Variants in CCDC7 observed in about 807,000 individuals in gnomAD.
The protein encoded by CCDC7 is coiled-coil domain containing 7.
Under a neutral mutation model 196.9 loss-of-function variants are expected in CCDC7, and 183 were observed. The observed-to-expected ratio is 0.93, with a 90% CI of 0.82 to 1.05. The LOEUF (loss-of-function observed/expected upper bound fraction) is 1.05, where lower values mean the gene tolerates loss of function less well. Ranked by LOEUF, CCDC7 falls within the 50% of genes least tolerant of loss-of-function variation. CCDC7 has a pLI of 0.00. For synonymous variants in CCDC7, 525 were observed against 484.6 expected, an observed-to-expected ratio of 1.08 and a Z score of -1.10; for missense variants, 1,540 against 1,482.2, an observed-to-expected ratio of 1.04 and a Z score of -0.64.
Position 32,729,002 on chromosome 10 carries a change from G to A in CCDC7, c.2779+5G>A, listed in dbSNP as rs777447785. The A allele has an allele frequency of 2.6e-6, 4 of 1,532,020 alleles. No individual in the cohort carries two copies. Among genetic ancestry groups the A allele is most frequent in the Non-Finnish European group, 3.6e-6 (4 of 1,112,372 alleles). The allele number at this position is 1,532,020 out of a possible 1,614,324, so 94.9% of individuals were successfully genotyped here. The stretch of plus-strand genomic sequence containing the variant: ...CTGGAGTGGAAAGACACAAGAGTGA[G>A]TATAATAATTATCGATAACTTTAAA... On this transcript the variant is annotated splice_donor_5th_base_variant and intron_variant, in intron 27 of 41. Coordinates refer to ENST00000639629, the Ensembl canonical transcript of CCDC7.
chr10:32,705,470 ATTAAAC>A (rs1450147461), intron 24 of CCDC7, among the ~76,000 whole-genome samples: 1 of 152,130 alleles, frequency 6.6e-6, no homozygotes, highest in Non-Finnish European at 1.5e-5. Flanking sequence ...ACATAACAAT[ATTAAAC>A]TTAAATGTAA....
chr10:32,730,236 A>G (rs139108238), intron 28 of CCDC7, among the ~76,000 whole-genome samples: 1 of 152,240 alleles, frequency 6.6e-6, no homozygotes, highest in Non-Finnish European at 1.5e-5. Flanking sequence ...TTTATAAGAG[A>G]GAACATGTGA....
intron 16 of CCDC7, among the ~76,000 whole-genome samples, chr10:32,572,859 C>G (rs1397999234): frequency 7.0e-6 from 1 of 142,454 alleles, no homozygotes; most frequent in Admixed American, 7.2e-5. Context: ...AAAGCAAAAG[C>G]ATGGTGCTTT....
chr10:32,448,363 C>A (rs966068380), upstream of CCDC7, among the ~76,000 whole-genome samples: 13 of 151,270 alleles, frequency 8.6e-5, no homozygotes, highest in African/African-American at 2.9e-4. Context: ...TGATTCTTTT[C>A]CAGCGGGGTG....
intron 30 of CCDC7, among the ~76,000 whole-genome samples, chr10:32,811,782 G>C (rs972617595): frequency 6.6e-6 from 1 of 151,978 alleles, no homozygotes; most frequent in Non-Finnish European, 1.5e-5. Context: ...AAAAGTACAA[G>C]TCAATATCTC....
chr10:32,744,957 A>G (rs923559375), intron 28 of CCDC7, among the ~76,000 whole-genome samples: 9 of 152,300 alleles, frequency 5.9e-5, no homozygotes, highest in African/African-American at 1.7e-4. Flanking sequence ...TCCATTTTCT[A>G]TTTAGACCTA....
chr10:32,772,257 G>A (rs1305749770), intron 28 of CCDC7, among the ~76,000 whole-genome samples: 2 of 152,170 alleles, frequency 1.3e-5, no homozygotes, highest in African/African-American at 2.4e-5. Flanking sequence ...AGGGAGTGGG[G>A]AGTAGCAGGC....
At chr10:32,777,478 C>T (rs374773942) in intron 28 of CCDC7, among the ~76,000 whole-genome samples, 2 of 152,292 alleles carry the variant, frequency 1.3e-5, no homozygotes, top group South Asian at 2.1e-4. Context: ...AGTGTTTAGA[C>T]TAATTTACAT....
intron 8 of CCDC7, among the ~76,000 whole-genome samples, chr10:32,487,083 G>A (rs1444811794): frequency 6.6e-6 from 1 of 152,170 alleles, no homozygotes; most frequent in Non-Finnish European, 1.5e-5. Flanking sequence ...ATCCTGAAGA[G>A]TGTTTTCCAA....
chr10:32,657,748 A>G (rs779549565), intron 20 of CCDC7, among the ~76,000 whole-genome samples: 2 of 152,164 alleles, frequency 1.3e-5, no homozygotes, highest in Non-Finnish European at 2.9e-5. Context: ...ACTTATGGAA[A>G]TTTCTGCAGC....
chr10:32,472,883 G>A (rs545205702), intron 7 of CCDC7, among the ~76,000 whole-genome samples: 3 of 152,116 alleles, frequency 2.0e-5, no homozygotes, highest in South Asian at 2.1e-4. Flanking sequence ...GGCATGAGCC[G>A]CCATGCCCGG....
At chr10:32,831,545 T>C (rs2092171280) in intron 32 of CCDC7, among the ~76,000 whole-genome samples, 1 of 152,192 alleles carries the variant, frequency 6.6e-6, no homozygotes, top group South Asian at 2.1e-4. Context: ...TGTACAAAAA[T>C]ATTTTCTTTT....
exon 41 of CCDC7, chr10:32,854,482 C>G (rs1480320653): frequency 1.9e-6 from 3 of 1,542,064 alleles, no homozygotes; most frequent in South Asian, 2.3e-5. Flanking sequence ...GAAAACCTAC[C>G]TATAAAGGTA....
chr10:32,664,353 A>T (rs2072179891), intron 21 of CCDC7, among the ~76,000 whole-genome samples, 192 bp downstream of exon 22: 1 of 151,978 alleles, frequency 6.6e-6, no homozygotes. Flanking sequence ...TTACCTTGTT[A>T]TTTTTTTATA....
Position 32,711,608 on chromosome 10 carries a change from C to G in CCDC7, c.2459-12C>G. ...TTTTCTAGTAAGGGACTAAATTTCT[C>G]TCTTAACATAGCTCATGATGAAGAA... On this transcript the variant is annotated splice_polypyrimidine_tract_variant and intron_variant, in intron 24 of 41. Coordinates refer to ENST00000639629, the Ensembl canonical transcript of CCDC7. The G allele has an allele frequency of 1.3e-6, 2 of 1,522,018 alleles. No homozygotes were observed. The highest frequency in any genetic ancestry group is 1.8e-6 in the Non-Finnish European group (2 of 1,116,810). The allele number at this position is 1,522,018 out of a possible 1,614,324, so 94.3% of individuals were successfully genotyped here. A position where few individuals can be genotyped will look rare whatever the true frequency, so the allele number is the denominator to read the frequency against.
intron 13 of CCDC7, among the ~76,000 whole-genome samples, chr10:32,554,668 G>T (rs1275782410): frequency 2.6e-5 from 4 of 152,224 alleles, no homozygotes. Flanking sequence ...AGTATTTGGG[G>T]TGTCTCCCAG....
At chr10:32,778,940 T>C (rs2080579016) in intron 28 of CCDC7, 37 bp from the exon 30 acceptor site, 5 of 1,484,360 alleles carry the variant, frequency 3.4e-6, no homozygotes, top group Non-Finnish European at 4.6e-6. Context: ...TGTTAGTTTT[T>C]TAAATCAACT....
At chr10:32,637,408 A>G (rs2139687777) in intron 20 of CCDC7, among the ~76,000 whole-genome samples, 1 of 152,306 alleles carries the variant, frequency 6.6e-6, no homozygotes, top group East Asian at 1.9e-4. Context: ...ATTTTTGTAT[A>G]AGGTGTAAAG....
At chr10:32,476,882 C>A (rs998805112) in intron 8 of CCDC7, among the ~76,000 whole-genome samples, 2 of 152,118 alleles carry the variant, frequency 1.3e-5, no homozygotes, top group African/African-American at 4.8e-5. Flanking sequence ...AGGTCTTTTA[C>A]CCATTTTAAA....
Sources: gnomAD v4.1 joint callset for allele counts (sites outside exome capture counted in the v4.1 genomes callset) on GRCh38, gnomAD v4.1.1 for gene constraint, MANE v1.5 for transcripts, NCBI Gene and HGNC (gene_info 2026-07-23, HGNC 2026-07-21) for gene names.